Variants in ST6GALNAC3 observed in about 807,000 individuals in gnomAD.
The protein encoded by ST6GALNAC3 is ST6 N-acetylgalactosaminide alpha-2,6-sialyltransferase 3.
A neutral mutation model predicts 32.7 loss-of-function variants in ST6GALNAC3; 25 were observed. That is an observed-to-expected ratio of 0.76 (90% confidence interval 0.56 to 1.07). The LOEUF is 1.07. Among genes scored for constraint, ST6GALNAC3 ranks in the 50% least tolerant of loss-of-function variants. ST6GALNAC3 has a pLI of 0.00. For synonymous variants in ST6GALNAC3, 129 were observed against 133.1 expected, an observed-to-expected ratio of 0.97 and a Z score of 0.21; for missense variants, 355 against 382.4, an observed-to-expected ratio of 0.93 and a Z score of 0.60.
intron 3 of ST6GALNAC3, among the ~76,000 whole-genome samples, chr1:76,500,617 G>A (rs1661121377): frequency 6.6e-6 from 1 of 152,122 alleles, no homozygotes; most frequent in Admixed American, 6.5e-5. Context: ...TGTCACAGGT[G>A]ACCACAATAG....
At chr1:76,415,697 G>A (rs879936784) in intron 3 of ST6GALNAC3, among the ~76,000 whole-genome samples, 4 of 151,808 alleles carry the variant, frequency 2.6e-5, no homozygotes, top group Non-Finnish European at 4.4e-5. Flanking sequence ...TACATATTCC[G>A]AGGCAGACCT....
chr1:76,633,067 GA>G lies in ST6GALNAC3; in HGVS notation c.*4262del, dbSNP rs1649377408. ...AGGTCAGGCTTTTAGAGCTGAAAGA[GA>G]TTTTAAAGACCAGCCAATTCAACTC... On this transcript the variant is annotated 3_prime_UTR_variant, in exon 5 of 5. Transcript: ENST00000328299. The G allele has an allele frequency of 6.6e-6, 1 of 152,190 alleles. No individual in the cohort carries two copies. Among genetic ancestry groups the G allele is most frequent in the Admixed American group, 6.5e-5 (1 of 15,276 alleles). The allele number at this position is 152,190 out of a possible 1,614,324, so 9.4% of individuals were successfully genotyped here.
intron 3 of ST6GALNAC3, among the ~76,000 whole-genome samples, chr1:76,417,626 C>T (rs929745385): frequency 6.6e-5 from 10 of 152,142 alleles, no homozygotes; most frequent in Non-Finnish European, 1.5e-4. Flanking sequence ...AGATATTCTG[C>T]TTTCCTATGG....
intron 1 of ST6GALNAC3, among the ~76,000 whole-genome samples, chr1:76,203,097 G>A (rs925488445): frequency 1.3e-5 from 2 of 152,170 alleles, no homozygotes; most frequent in African/African-American, 4.8e-5. Context: ...CAAGTTCTGG[G>A]CTAGGTCCTA....
rs192282710 is a variant in ST6GALNAC3, at chr1:76,111,158, C to T, written c.18+36274C>T. On this transcript the variant is annotated intron_variant, in intron 1 of 4. Transcript: ENST00000328299. ...TCTCTAGTTTCTGTGACTTACCAAT[C>T]TCTAATAACTCAAAAATGGTTTTTG... Among the ~76,000 whole-genome samples, 220 of 152,230 alleles carry T rather than the reference C, an allele frequency of 1.4e-3. 3 individuals carry two copies. The highest frequency in any genetic ancestry group is 0.014 in the Admixed American group (219 of 15,296).
chr1:76,427,474 G>A (rs968991525), intron 3 of ST6GALNAC3, among the ~76,000 whole-genome samples: 8 of 152,022 alleles, frequency 5.3e-5, no homozygotes, highest in Non-Finnish European at 7.4e-5. Flanking sequence ...TGGAGAACCA[G>A]TGACCCAATA....
At chr1:76,522,028 G>T (rs1480210858) in intron 3 of ST6GALNAC3, among the ~76,000 whole-genome samples, 1 of 151,396 alleles carries the variant, frequency 6.6e-6, no homozygotes, top group Admixed American at 6.6e-5. Context: ...AGTGAGCTGG[G>T]ATCCCACCAC....
At chr1:76,224,139 A>C (rs552140712) in intron 1 of ST6GALNAC3, among the ~76,000 whole-genome samples, 1 of 152,290 alleles carries the variant, frequency 6.6e-6, no homozygotes, top group East Asian at 1.9e-4. Flanking sequence ...TGATCATTCT[A>C]CTTATAATGT....
At chr1:76,272,322 C>CA in intron 1 of ST6GALNAC3, among the ~76,000 whole-genome samples, 1 of 52,594 alleles carries the variant, frequency 1.9e-5, no homozygotes, top group Non-Finnish European at 4.2e-5. Context: ...GACTCAGTCT[C>CA]GGAAAAAAAA....
At chr1:76,158,625 TTG>T (rs1651621087) in intron 1 of ST6GALNAC3, among the ~76,000 whole-genome samples, 1 of 152,222 alleles carries the variant, frequency 6.6e-6, no homozygotes, top group African/African-American at 2.4e-5. Flanking sequence ...TCAGCCCCTC[TTG>T]GCTACAGGTA....
intron 1 of ST6GALNAC3, among the ~76,000 whole-genome samples, chr1:76,129,575 T>A (rs1279760314): frequency 6.6e-6 from 1 of 152,206 alleles, no homozygotes. Context: ...CATTCCACTG[T>A]TCTGTGGCTC....
chr1:76,252,195 G>A (rs1657659939), intron 1 of ST6GALNAC3, among the ~76,000 whole-genome samples: 1 of 152,122 alleles, frequency 6.6e-6, no homozygotes, highest in Non-Finnish European at 1.5e-5. Flanking sequence ...TGTTCGTTTG[G>A]ATGGGTGGCT....
At chr1:76,503,429 C>A (rs1330861976) in intron 3 of ST6GALNAC3, among the ~76,000 whole-genome samples, 1 of 152,218 alleles carries the variant, frequency 6.6e-6, no homozygotes, top group Non-Finnish European at 1.5e-5. Flanking sequence ...TTTCCCACAT[C>A]TAGGGCACCC....
At chr1:76,581,841 T>C (rs1646896290) in intron 3 of ST6GALNAC3, among the ~76,000 whole-genome samples, 1 of 152,164 alleles carries the variant, frequency 6.6e-6, no homozygotes, top group African/African-American at 2.4e-5. Context: ...CTTGGGTAAT[T>C]TCTAAATCAT....
chr1:76,396,242 A>G (rs989586527), intron 2 of ST6GALNAC3, among the ~76,000 whole-genome samples: 7 of 152,164 alleles, frequency 4.6e-5, no homozygotes, highest in African/African-American at 1.7e-4. Flanking sequence ...AGGTGGGAGG[A>G]TTGCATGAGT....
chr1:76,423,037 C>G (rs1450084753), intron 3 of ST6GALNAC3, among the ~76,000 whole-genome samples: 2 of 151,914 alleles, frequency 1.3e-5, no homozygotes, highest in African/African-American at 4.8e-5. Context: ...ACTTTTGAAT[C>G]AAGAATCAAC....
intron 1 of ST6GALNAC3, among the ~76,000 whole-genome samples, chr1:76,298,337 G>A (rs956410098): frequency 3.9e-5 from 6 of 151,980 alleles, no homozygotes; most frequent in Admixed American, 6.6e-5. Flanking sequence ...GAATCCTTAC[G>A]ATTGATGGGC....
At chr1:76,597,283 A>G (rs2100610636) in intron 3 of ST6GALNAC3, among the ~76,000 whole-genome samples, 1 of 152,266 alleles carries the variant, frequency 6.6e-6, no homozygotes, top group East Asian at 1.9e-4. Flanking sequence ...TGCTTACCAT[A>G]TATTTATTTC....
chr1:76,602,327 GTGTGCGTGTGCA>G (rs1456893153), intron 3 of ST6GALNAC3, among the ~76,000 whole-genome samples: 1 of 152,048 alleles, frequency 6.6e-6, no homozygotes. Flanking sequence ...GCACGTGTGT[GTGTGCGTGTGCA>G]TGTGCGTGTG....
Sources: gnomAD v4.1 joint callset for allele counts (sites outside exome capture counted in the v4.1 genomes callset) on GRCh38, gnomAD v4.1.1 for gene constraint, MANE v1.5 for transcripts, NCBI Gene and HGNC (gene_info 2026-07-23, HGNC 2026-07-21) for gene names.